SASH1: variants seen among roughly 807,000 people sequenced by gnomAD.
The protein encoded by SASH1 is SAM and SH3 domain containing 1, also known as SAM and SH3 domain-containing protein 1.
Under a neutral mutation model 125.2 loss-of-function variants are expected in SASH1, and 44 were observed. The ratio of observed to expected loss-of-function variants is 0.35; its 90% CI spans 0.28 to 0.45. The LOEUF (loss-of-function observed/expected upper bound fraction) is 0.45. SASH1 is among the 20% of genes least tolerant of loss of function. The pLI, the probability that SASH1 is intolerant of heterozygous loss-of-function variation, is 1.00. For synonymous variants in SASH1, 639 were observed against 649.1 expected (o/e 0.98, Z 0.24); for missense variants, 1,426 against 1,614.5 (o/e 0.88, Z 2.00).
chr6:148,353,669 A>G (rs1781822311), intron 1 of SASH1, among the ~76,000 whole-genome samples: 1 of 152,066 alleles, frequency 6.6e-6, no homozygotes, highest in Admixed American at 6.6e-5. Context: ...TCCTGACCTC[A>G]GGTGATCCAC....
chr6:148,454,551 T>C (rs990243679), intron 4 of SASH1, among the ~76,000 whole-genome samples: 3 of 152,142 alleles, frequency 2.0e-5, no homozygotes, highest in African/African-American at 7.2e-5. Flanking sequence ...AGGAAGTTCC[T>C]GGTGGAAGAA....
Position 148,532,206 on chromosome 6 carries a change from T to G in SASH1, c.1564+545T>G, listed in dbSNP as rs1781560474. ...GATCCTCCTGCCTCAGCCTTCCGCA[T>G]AGCTGTACTACAGGGTCATGCCACC... On this transcript the variant is annotated intron_variant, in intron 13 of 19. Transcript: ENST00000367467. This position sits in a 1 kb window ranked among gnomAD's most constrained non-coding sequence, Gnocchi z 4.7. 6.6e-6 allele frequency among the ~76,000 whole-genome samples: 1 copy of G among 152,118 alleles called. No homozygotes were observed. Among genetic ancestry groups the G allele is most frequent in the Non-Finnish European group, 1.5e-5 (1 of 68,006 alleles).
intron 2 of SASH1, among the ~76,000 whole-genome samples, chr6:148,433,874 T>C (rs912039488): frequency 9.9e-5 from 15 of 151,938 alleles, no homozygotes; most frequent in African/African-American, 3.4e-4. Context: ...AATTTGTATA[T>C]GTATACTTTT....
At chr6:148,238,833 G>T in the SASH1 span, among the ~76,000 whole-genome samples, 1 of 152,086 alleles carries the variant, frequency 6.6e-6, no homozygotes, top group African/African-American at 2.4e-5. Flanking sequence ...TACTCACCCA[G>T]CCTCCATTCC....
At chr6:148,260,993 C>A in the SASH1 span, among the ~76,000 whole-genome samples, 1 of 151,794 alleles carries the variant, frequency 6.6e-6, no homozygotes, top group Non-Finnish European at 1.5e-5. Context: ...TTAGTAGAGA[C>A]GGGGTTTCAC....
intron 2 of SASH1, among the ~76,000 whole-genome samples, chr6:148,425,180 A>G (rs1290806254): frequency 1.3e-5 from 2 of 152,208 alleles, no homozygotes. Context: ...GCTCTGGACC[A>G]GCACGGCCAA....
intron 1 of SASH1, among the ~76,000 whole-genome samples, chr6:148,307,038 TTCTTTCTTTC>T (rs1199509508): frequency 1.1e-5 from 1 of 93,818 alleles, no homozygotes; most frequent in Non-Finnish European, 2.2e-5. Context: ...CTTTCTTTCT[TTCTTTCTTTC>T]TTTCTTTCTT....
chr6:148,468,382 G>A (rs1777945062), intron 4 of SASH1, among the ~76,000 whole-genome samples, 163 bp from the exon 5 acceptor site: 1 of 152,178 alleles, frequency 6.6e-6, no homozygotes, highest in African/African-American at 2.4e-5. Flanking sequence ...TCTATTTCTA[G>A]GAAGTCAGCA....
chr6:148,393,306 C>T (rs550173725), intron 2 of SASH1, among the ~76,000 whole-genome samples: 9 of 151,520 alleles, frequency 5.9e-5, no homozygotes, highest in East Asian at 1.9e-4. Flanking sequence ...GTGATCTGCC[C>T]GCCTTGGCCT....
At chr6:148,361,755 C>T (rs749402455) in intron 1 of SASH1, among the ~76,000 whole-genome samples, 3 of 152,084 alleles carry the variant, frequency 2.0e-5, no homozygotes, top group South Asian at 2.1e-4. Context: ...GCATAGAAAC[C>T]GACTCAGGAA....
intron 4 of SASH1, among the ~76,000 whole-genome samples, chr6:148,444,278 C>T (rs1400941327): frequency 6.6e-6 from 1 of 152,194 alleles, no homozygotes; most frequent in African/African-American, 2.4e-5. Flanking sequence ...AAAATAACAT[C>T]ACTTCTGTCA....
At chr6:148,334,973 C>CAAGA (rs1781109673) in intron 1 of SASH1, among the ~76,000 whole-genome samples, 1 of 115,294 alleles carries the variant, frequency 8.7e-6, no homozygotes, top group Admixed American at 8.9e-5. Context: ...GACTCCATCT[C>CAAGA]AAAAAAAAAA....
intron 1 of SASH1, among the ~76,000 whole-genome samples, chr6:148,355,721 C>T (rs1358628507): frequency 6.6e-6 from 1 of 152,060 alleles, no homozygotes; most frequent in Non-Finnish European, 1.5e-5. Flanking sequence ...CCTTAAACCT[C>T]GAGAGAAGCT....
At chr6:148,482,769 A>G (rs981633076) in intron 7 of SASH1, among the ~76,000 whole-genome samples, 3 of 144,552 alleles carry the variant, frequency 2.1e-5, no homozygotes, top group Non-Finnish European at 4.5e-5. Context: ...GCTCACTGCA[A>G]CCTCCACCTC....
upstream of SASH1, chr6:148,342,513 G>A (rs1582989077): frequency 6.6e-6 from 1 of 152,202 alleles, no homozygotes; most frequent in East Asian, 1.9e-4. Context: ...CATGCAAAGA[G>A]CCTGACATCA....
chr6:148,256,964 A>G, the SASH1 span, among the ~76,000 whole-genome samples: 542 of 152,286 alleles, frequency 3.6e-3, 4 homozygotes, highest in African/African-American at 0.012. Context: ...CTTTTTTTGC[A>G]TAATATTCTG....
intron 18 of SASH1, 105 bp from the exon 19 acceptor site, chr6:148,545,910 C>T: frequency 8.9e-7 from 1 of 1,117,950 alleles, no homozygotes; most frequent in Non-Finnish European, 1.3e-6. Context: ...CACTGCACTC[C>T]AGTCTAAGTG....
chr6:148,278,030 TTTTG>T (rs1779233971), intron 1 of SASH1, among the ~76,000 whole-genome samples: 1 of 149,846 alleles, frequency 6.7e-6, no homozygotes, highest in Non-Finnish European at 1.5e-5. Flanking sequence ...TTGTTTTTGT[TTTTG>T]TTTGTTTTTC....
At chr6:148,398,020 A>G (rs1023295024) in intron 2 of SASH1, among the ~76,000 whole-genome samples, 25 of 152,238 alleles carry the variant, frequency 1.6e-4, no homozygotes, top group African/African-American at 5.5e-4. Flanking sequence ...AGGCACAGGG[A>G]AGACTGACCT....
Sources: allele counts gnomAD v4.1 joint callset (sites outside exome capture counted in the v4.1 genomes callset), GRCh38; gene constraint gnomAD v4.1.1; non-coding constraint Gnocchi (gnomAD v3.1); transcripts MANE v1.5; gene names NCBI Gene and HGNC (gene_info 2026-07-23, HGNC 2026-07-21).